The following TMEM120B variants were observed in gnomAD, a reference collection of about 807,000 sequenced individuals.
The protein encoded by TMEM120B is transmembrane protein 120B.
In TMEM120B, 31 loss-of-function variants were observed where a neutral mutation model predicts 55.5. That is an observed-to-expected ratio of 0.56 (90% CI 0.42 to 0.75). The LOEUF is 0.75. Ranked by LOEUF, TMEM120B falls within the 30% of genes least tolerant of loss-of-function variation. The probability of loss-of-function intolerance (pLI) is 0.00; values close to 1 mark genes in which losing one functional copy is unlikely to be tolerated. For missense variants in TMEM120B, 399 were observed against 425.5 expected (o/e 0.94, Z 0.55); for synonymous variants, 203 against 176.3 (o/e 1.15, Z -1.20).
In TMEM120B at chr12:121,781,140, G is replaced by A. The variant is rs909632709; in HGVS notation, c.*5418G>A. 26 of 1,614,108 alleles carry A rather than the reference G, an allele frequency of 1.6e-5. No homozygotes were observed. Among genetic ancestry groups the A allele is most frequent in the Non-Finnish European group, 2.1e-5 (25 of 1,180,044 alleles). ...TCATGACGTCATAGCAGATGAGCAC[G>A]AGGTGGGTGTTCTGGTAGGACAGGG... On this transcript the variant is annotated 3_prime_UTR_variant, in exon 12 of 12. Coordinates refer to ENST00000449592, the MANE Select transcript of TMEM120B (RefSeq NM_001080825.2).
chr12:121,758,800 G>A (rs1242927249), intron 5 of TMEM120B: 15 of 975,176 alleles, frequency 1.5e-5, no homozygotes, highest in African/African-American at 1.9e-5. Flanking sequence ...GCCTAGCCCC[G>A]TGCTGTGGTC....
intron 6 of TMEM120B, among the ~76,000 whole-genome samples, chr12:121,765,774 C>T (rs10840615): frequency 0.44 from 67,313 of 152,006 alleles, 16,393 homozygotes; most frequent in Middle Eastern, 0.57. Flanking sequence ...GATTTAGCCT[C>T]CGCCCTCCTC....
At position 121,775,770 on chromosome 12, in the gene TMEM120B, T is replaced by G; in HGVS notation, c.*48T>G. The G allele has an allele frequency of 1.3e-6, 2 of 1,597,288 alleles. No individual in the cohort carries two copies. The highest frequency in any genetic ancestry group is 1.7e-6 in the Non-Finnish European group (2 of 1,168,812). On this transcript the variant is annotated 3_prime_UTR_variant, in exon 12 of 12. Coordinates refer to ENST00000449592, the MANE Select transcript of TMEM120B (RefSeq NM_001080825.2). The surrounding 1 kb of genome is among the most constrained non-coding windows in gnomAD (Gnocchi z 4.3). Reference sequence around the variant, plus strand: ...GCCCGGACTTCAGACTGCAGGGGGCTCCCGGGCTCCTTCCCAGCAGCCCTC... The same window carrying G: ...GCCCGGACTTCAGACTGCAGGGGGCGCCCGGGCTCCTTCCCAGCAGCCCTC...
chr12:121,754,876 C>T (rs901947548), intron 5 of TMEM120B, among the ~76,000 whole-genome samples: 9 of 152,234 alleles, frequency 5.9e-5, no homozygotes, highest in South Asian at 2.1e-4. Flanking sequence ...ATCTCTGTGC[C>T]GGTGCCCCCG....
intron 3 of TMEM120B, among the ~76,000 whole-genome samples, chr12:121,749,707 AC>A (rs1191066418): frequency 5.3e-5 from 8 of 152,186 alleles, no homozygotes; most frequent in Admixed American, 1.3e-4. Context: ...GGAGTTCAAG[AC>A]CAGCCTGGCC....
At chr12:121,729,806 A>G (rs796957732) in intron 1 of TMEM120B, among the ~76,000 whole-genome samples, 48 of 152,300 alleles carry the variant, frequency 3.2e-4, no homozygotes, top group African/African-American at 1.1e-3. Flanking sequence ...CTTTTAAAAT[A>G]TAGAAAGCGG....
chr12:121,763,011 G>A (rs955084821), intron 6 of TMEM120B, among the ~76,000 whole-genome samples: 1 of 152,108 alleles, frequency 6.6e-6, no homozygotes, highest in African/African-American at 2.4e-5. Context: ...GAGAAGCCCT[G>A]TTGTTTTCTC....
intron 1 of TMEM120B, among the ~76,000 whole-genome samples, chr12:121,743,097 G>A (rs1426776801): frequency 1.3e-5 from 2 of 152,142 alleles, no homozygotes; most frequent in African/African-American, 4.8e-5. Context: ...GCCCTGAATG[G>A]TTATTTCAGG....
At chr12:121,759,001 C>T in intron 5 of TMEM120B, 7 of 985,384 alleles carry the variant, frequency 7.1e-6, no homozygotes, top group Non-Finnish European at 8.4e-6. Flanking sequence ...GTGTTACAGA[C>T]AATATGGCCC....
In TMEM120B at chr12:121,755,987, G is replaced by A. The variant is rs148318565; in HGVS notation, c.461+3764G>A. Among the ~76,000 whole-genome samples, 195 of 152,160 alleles carry A rather than the reference G, an allele frequency of 1.3e-3. 1 individual carries two copies. The East Asian group carries it at 0.034, about 26-fold the overall frequency. On this transcript the variant is annotated intron_variant, in intron 5 of 11. Transcript: ENST00000449592. ...GGTTCTGGTAGTTGGAAGTCATGCC[G>A]ACAGGGATGTGGTAAGTGCACCTGC...
intron 10 of TMEM120B, 123 bp downstream of exon 10, chr12:121,774,845 C>T (rs1279386930): frequency 1.7e-5 from 23 of 1,328,516 alleles, no homozygotes; most frequent in Middle Eastern, 1.8e-4. Flanking sequence ...ATCCTGGGGC[C>T]GGGGCAGCCT....
rs758623587 is a variant in TMEM120B, at chr12:121,773,556, C to T, written c.772+43C>T. On this transcript the variant is annotated intron_variant, in intron 9 of 11. Coordinates refer to ENST00000449592, the MANE Select transcript of TMEM120B (RefSeq NM_001080825.2). Reference sequence around the variant, plus strand: ...GGTTGGAGCCGGGGCAGGTACTGGACCTGCCAGCTCCCCACACCGGGAGTG... The same window carrying T: ...GGTTGGAGCCGGGGCAGGTACTGGATCTGCCAGCTCCCCACACCGGGAGTG... The T allele has an allele frequency of 4.8e-6, 7 of 1,451,456 alleles. No homozygotes were observed. In the South Asian group the frequency reaches 9.2e-5, roughly 19 times the overall value. The allele number at this position is 1,451,456 out of a possible 1,614,324, so 89.9% of individuals were successfully genotyped here.
At chr12:121,771,440 T>A in intron 7 of TMEM120B, 48 bp from the exon 8 acceptor site, 1 of 1,524,248 alleles carries the variant, frequency 6.6e-7, no homozygotes, top group East Asian at 2.3e-5. Context: ...GAGGAATGTC[T>A]CATTTCATAG....
At chr12:121,753,716 AAG>A (rs1480889363) in intron 5 of TMEM120B, among the ~76,000 whole-genome samples, 1 of 152,144 alleles carries the variant, frequency 6.6e-6, no homozygotes, top group African/African-American at 2.4e-5. Context: ...TAAAAAAAAA[AAG>A]AGAAAAAGAG....
At chr12:121,765,132 T>TCTTTC (rs1372777481) in intron 6 of TMEM120B, among the ~76,000 whole-genome samples, 1 of 145,728 alleles carries the variant, frequency 6.9e-6, no homozygotes, top group African/African-American at 2.6e-5. Flanking sequence ...TTTCTTTCTT[T>TCTTTC]TTTTTTTTTT....
chr12:121,772,303 T>A (rs930263768), intron 8 of TMEM120B, among the ~76,000 whole-genome samples: 6 of 151,962 alleles, frequency 3.9e-5, no homozygotes, highest in African/African-American at 1.5e-4. Flanking sequence ...TAATTTTTTT[T>A]ATTTTTAATA....
chr12:121,743,012 G>A (rs1460472904), intron 1 of TMEM120B, among the ~76,000 whole-genome samples: 1 of 152,166 alleles, frequency 6.6e-6, no homozygotes, highest in African/African-American at 2.4e-5. Context: ...TGTGATGGTG[G>A]CAAAGTCAAG....
intron 4 of TMEM120B, among the ~76,000 whole-genome samples, chr12:121,750,944 ACTAACAC>A: frequency 4.2e-5 from 1 of 24,032 alleles, no homozygotes; most frequent in Non-Finnish European, 7.5e-5. Context: ...CACACCCCAC[ACTAACAC>A]CCCACACCCA....
chr12:121,722,798 G>A (rs572664991), intron 1 of TMEM120B, among the ~76,000 whole-genome samples: 2 of 151,740 alleles, frequency 1.3e-5, no homozygotes, highest in Admixed American at 6.6e-5. Context: ...GGAAGGTCTC[G>A]CTGAAAATAA....
Sources: gnomAD v4.1 joint callset for allele counts (sites outside exome capture counted in the v4.1 genomes callset) on GRCh38, gnomAD v4.1.1 for gene constraint, Gnocchi (gnomAD v3.1) non-coding constraint, MANE v1.5 for transcripts, NCBI Gene and HGNC (gene_info 2026-07-23, HGNC 2026-07-21) for gene names.